Variants in NFIB observed in about 807,000 individuals in gnomAD.
NFIB encodes the protein nuclear factor 1 B-type.
A neutral mutation model predicts 61.5 loss-of-function variants in NFIB; 11 were observed. The ratio of observed to expected loss-of-function variants is 0.18; its 90% CI spans 0.11 to 0.30. NFIB has a LOEUF of 0.30. NFIB is among the 10% of genes least tolerant of loss of function. NFIB has a pLI of 1.00. For synonymous variants in NFIB, 260 were observed against 216.5 expected (o/e 1.20, Z -1.76); for missense variants, 471 against 608.9 (o/e 0.77, Z 2.38).
chr9:14,530,853 G>A, the NFIB span, among the ~76,000 whole-genome samples: 3 of 150,906 alleles, frequency 2.0e-5, no homozygotes, highest in Admixed American at 6.6e-5. Flanking sequence ...AATAATTATC[G>A]AAGCAAACGA....
chr9:14,399,082 C>T (rs115080156), upstream of NFIB: 3,022 of 193,676 alleles, frequency 0.016, 79 homozygotes, highest in African/African-American at 0.065. Flanking sequence ...ATTTCAAAAA[C>T]GTAGAACACA....
chr9:14,396,212 C>G (rs2061685667), intron 1 of NFIB, among the ~76,000 whole-genome samples: 1 of 150,952 alleles, frequency 6.6e-6, no homozygotes, highest in Non-Finnish European at 1.5e-5. Context: ...TTTTACACAT[C>G]ACAGCATAAT....
At chr9:14,369,425 T>A (rs2132965910) in intron 1 of NFIB, among the ~76,000 whole-genome samples, 2 of 152,086 alleles carry the variant, frequency 1.3e-5, no homozygotes, top group East Asian at 3.9e-4. Context: ...TCCACAGGGG[T>A]CCATCTCATA....
chr9:14,246,421 T>G (rs2054933749), intron 2 of NFIB, among the ~76,000 whole-genome samples: 1 of 152,126 alleles, frequency 6.6e-6, no homozygotes, highest in Non-Finnish European at 1.5e-5. Context: ...CCCTTCACCC[T>G]GCAAAATCCC....
chr9:14,462,486 G>T, the NFIB span, among the ~76,000 whole-genome samples: 801 of 152,054 alleles, frequency 5.3e-3, 6 homozygotes, highest in African/African-American at 0.017. Flanking sequence ...GTTTCACTGT[G>T]TTAGCCAGGA....
At chr9:14,226,047 A>C (rs1469646435) in intron 2 of NFIB, among the ~76,000 whole-genome samples, 1 of 152,124 alleles carries the variant, frequency 6.6e-6, no homozygotes, top group Admixed American at 6.5e-5. Context: ...CAGCACTAAC[A>C]GAATAATTAA....
At chr9:14,463,659 C>CTCCTTTTTTT in the NFIB span, among the ~76,000 whole-genome samples, 12 of 65,812 alleles carry the variant, frequency 1.8e-4, 1 homozygote, top group South Asian at 5.7e-4. Flanking sequence ...ATTTGATTTT[C>CTCCTTTTTTT]TTTTTTTTTT....
At chr9:14,275,471 G>A (rs1421629472) in intron 2 of NFIB, among the ~76,000 whole-genome samples, 1 of 152,100 alleles carries the variant, frequency 6.6e-6, no homozygotes, top group Non-Finnish European at 1.5e-5. Flanking sequence ...AGTGCACGGC[G>A]CCATGGTTAG....
the NFIB span, among the ~76,000 whole-genome samples, chr9:14,514,063 C>T: frequency 1.6e-4 from 24 of 152,008 alleles, no homozygotes; most frequent in African/African-American, 5.6e-4. Context: ...TACATGGCAG[C>T]TAGAGAATTC....
intron 2 of NFIB, among the ~76,000 whole-genome samples, chr9:14,273,173 T>G (rs866185378): frequency 5.3e-5 from 8 of 152,114 alleles, no homozygotes; most frequent in Admixed American, 2.6e-4. Context: ...CCACAGCAAA[T>G]CAAGGCACTC....
chr9:14,472,835 C>T, the NFIB span, among the ~76,000 whole-genome samples: 3 of 151,334 alleles, frequency 2.0e-5, no homozygotes, highest in Non-Finnish European at 4.4e-5. Flanking sequence ...AGCGAGACTC[C>T]GTCTCAAAAA....
intron 5 of NFIB, 122 bp from the exon 6 acceptor site, chr9:14,146,929 A>G (rs1008925359): frequency 7.8e-7 from 1 of 1,285,900 alleles, no homozygotes; most frequent in African/African-American, 1.5e-5. Flanking sequence ...AATAATGGTG[A>G]GTATAATGGT....
At chr9:14,481,187 G>T in the NFIB span, among the ~76,000 whole-genome samples, 1 of 39,776 alleles carries the variant, frequency 2.5e-5, no homozygotes, top group Non-Finnish European at 4.3e-5. Context: ...GAGTGTGTGT[G>T]TGTGTGTGTG....
the NFIB span, among the ~76,000 whole-genome samples, chr9:14,475,270 A>C: frequency 6.6e-6 from 1 of 152,180 alleles, no homozygotes; most frequent in Non-Finnish European, 1.5e-5. Flanking sequence ...TAGAGCTCAG[A>C]TTTGCACCTG....
In NFIB at chr9:14,090,421, T is replaced by C. The variant is rs912612416; in HGVS notation, c.1468-2095A>G. On this transcript the variant is annotated intron_variant, in intron 10 of 10. Coordinates refer to ENST00000380953, the MANE Select transcript of NFIB (RefSeq NM_001190737.2). ...TTACATAATGAATCATGAAACTTATTTTACCCTCAACTGTGTTTCCACTGC... is the reference window on the plus strand; with the variant it reads ...TTACATAATGAATCATGAAACTTATCTTACCCTCAACTGTGTTTCCACTGC... 7.9e-5 allele frequency among the ~76,000 whole-genome samples: 12 copies of C among 152,236 alleles called. No homozygotes were observed. The East Asian group carries it at 2.3e-3, about 29-fold the overall frequency.
At chr9:14,156,955 A>G (rs2043489627) in intron 3 of NFIB, among the ~76,000 whole-genome samples, 1 of 152,184 alleles carries the variant, frequency 6.6e-6, no homozygotes, top group East Asian at 1.9e-4. Flanking sequence ...GATGTGAAGC[A>G]TGGGTAGTGC....
intron 2 of NFIB, among the ~76,000 whole-genome samples, chr9:14,240,023 T>C (rs1412473106): frequency 6.6e-6 from 1 of 152,168 alleles, no homozygotes; most frequent in Non-Finnish European, 1.5e-5. Context: ...ATTAGTTTTG[T>C]CCTTCCATTA....
chr9:14,123,475 T>G (rs984202664), intron 7 of NFIB, among the ~76,000 whole-genome samples: 5 of 152,198 alleles, frequency 3.3e-5, no homozygotes, highest in Non-Finnish European at 5.9e-5. Context: ...ATGTAACTTC[T>G]CCGCTAAAAT....
chr9:14,449,029 T>C, the NFIB span, among the ~76,000 whole-genome samples: 2 of 152,144 alleles, frequency 1.3e-5, no homozygotes, highest in South Asian at 2.1e-4. Flanking sequence ...GGATGGATGA[T>C]CAAAGATTGA....
Sources: allele counts gnomAD v4.1 joint callset (sites outside exome capture counted in the v4.1 genomes callset), GRCh38; gene constraint gnomAD v4.1.1; transcripts MANE v1.5; gene names NCBI Gene and HGNC (gene_info 2026-07-23, HGNC 2026-07-21).